The following CRYBG3 variants were observed in gnomAD, a reference collection of about 807,000 sequenced individuals.
CRYBG3 encodes very large A-kinase anchor protein.
Under a neutral mutation model 244.2 loss-of-function variants are expected in CRYBG3, and 127 were observed. The observed-to-expected ratio is 0.52, with a 90% CI of 0.45 to 0.60. The LOEUF is 0.60. Ranked by LOEUF, CRYBG3 falls within the 20% of genes least tolerant of loss-of-function variation. The probability of loss-of-function intolerance (pLI) is 0.00; values close to 1 mark genes in which losing one functional copy is unlikely to be tolerated. For synonymous variants in CRYBG3, 1,132 were observed against 1,195.8 expected (o/e 0.95, Z 1.10); for missense variants, 3,325 against 3,442.5 (o/e 0.97, Z 0.85).
chr3:97,893,099 A>G lies in CRYBG3; in HGVS notation c.7574+106A>G, dbSNP rs1022342341. On this transcript the variant is annotated intron_variant, in intron 11 of 21. Transcript: ENST00000389622. Reference sequence around the variant, plus strand: ...TGATTTGTTTTTAATCTAAAAATATACATTCCTTCTGTAATATGGAAAGTA... The same window carrying G: ...TGATTTGTTTTTAATCTAAAAATATGCATTCCTTCTGTAATATGGAAAGTA... 7 of 978,936 alleles carry G rather than the reference A, an allele frequency of 7.2e-6. No individual in the cohort carries two copies. In the South Asian group the frequency reaches 1.1e-4, roughly 15 times the overall value. The allele number at this position is 978,936 out of a possible 1,614,324, so 60.6% of individuals were successfully genotyped here. A position where few individuals can be genotyped will look rare whatever the true frequency, so the allele number is the denominator to read the frequency against.
intron 20 of CRYBG3, among the ~76,000 whole-genome samples, chr3:97,941,650 C>T (rs1347696156): frequency 6.6e-6 from 1 of 151,922 alleles, no homozygotes; most frequent in East Asian, 1.9e-4. Context: ...TAAAATCAGC[C>T]ATCTCTGTGA....
chr3:97,873,655 C>A lies in CRYBG3; in HGVS notation c.2461C>A (p.Gln821Lys). The A allele has an allele frequency of 6.5e-7, 1 of 1,535,140 alleles. No individual in the cohort carries two copies. Among genetic ancestry groups the A allele is most frequent in the South Asian group, 1.2e-5 (1 of 83,824 alleles). ...TGTATCAAAAGCTGAAATTGATGGT[C>A]AGAACAATGTTCTTGTGGAGTCACA... ...NIVSKAEIDG[Q>K]NNVLVESHSG... Residue 821 changes from glutamine (Q) to lysine (K), a missense_variant, in exon 4 of 22, where the codon CAG becomes AAG. Transcript: ENST00000389622.
At chr3:97,908,855 C>T (rs184060329) in intron 15 of CRYBG3, among the ~76,000 whole-genome samples, 191 of 152,298 alleles carry the variant, frequency 1.3e-3, no homozygotes, top group African/African-American at 4.5e-3. Context: ...ATGGTCGTTA[C>T]ATTTTGGCAT....
At chr3:97,897,928 T>C (rs1186586396) in intron 12 of CRYBG3, among the ~76,000 whole-genome samples, 1 of 152,160 alleles carries the variant, frequency 6.6e-6, no homozygotes, top group Non-Finnish European at 1.5e-5. Flanking sequence ...CTTTAAGAAA[T>C]GAAAGTTTTG....
chr3:97,913,886 A>G (rs142305859), intron 16 of CRYBG3, among the ~76,000 whole-genome samples: 1 of 152,208 alleles, frequency 6.6e-6, no homozygotes, highest in Non-Finnish European at 1.5e-5. Flanking sequence ...ATTAGCTGGT[A>G]GTGAGTAGAT....
intron 12 of CRYBG3, among the ~76,000 whole-genome samples, chr3:97,896,814 G>A (rs540250537): frequency 6.6e-6 from 1 of 152,190 alleles, no homozygotes; most frequent in Admixed American, 6.6e-5. Flanking sequence ...CAACAACAAA[G>A]AATTACACGG....
chr3:97,937,791 A>G (rs1309666566), intron 19 of CRYBG3, among the ~76,000 whole-genome samples: 1 of 152,060 alleles, frequency 6.6e-6, no homozygotes, highest in Non-Finnish European at 1.5e-5. Flanking sequence ...TTATTTAATG[A>G]AGGAATGAAT....
chr3:97,899,534 A>G (rs571055457), intron 14 of CRYBG3, among the ~76,000 whole-genome samples: 156 of 152,262 alleles, frequency 1.0e-3, no homozygotes, highest in African/African-American at 3.3e-3. Flanking sequence ...ATCACTGGAG[A>G]TAAGAATTGA....
At chr3:97,924,834 G>A (rs996004386) in intron 17 of CRYBG3, among the ~76,000 whole-genome samples, 2 of 152,054 alleles carry the variant, frequency 1.3e-5, no homozygotes, top group African/African-American at 2.4e-5. Context: ...GACCATGTTA[G>A]GTAACATATT....
intron 1 of CRYBG3, among the ~76,000 whole-genome samples, chr3:97,838,028 G>A (rs940027001): frequency 1.3e-5 from 2 of 152,090 alleles, no homozygotes; most frequent in Non-Finnish European, 2.9e-5. Flanking sequence ...AGTCTGTCCT[G>A]TGGCCATCCA....
chr3:97,915,712 C>A lies in CRYBG3; in HGVS notation c.8217C>A (p.Val2739=). 6.2e-7 allele frequency: 1 copy of A among 1,612,158 alleles called. No homozygotes were observed. Among genetic ancestry groups the A allele is most frequent in the South Asian group, 1.1e-5 (1 of 90,886 alleles). The part of the protein sequence containing the change: ...LTSCGCPASK[V]KSLKPIDYVF... ...CCTGCGGTTGCCCAGCATCTAAAGT[C>A]AAATCTCTCAAGCCCATTGACTATG... The change falls in exon 17 of 22, where the codon GTC becomes GTA. Residue 2739 remains valine, a synonymous_variant. Transcript: ENST00000389622.
chr3:97,941,660 AT>A lies in CRYBG3; in HGVS notation c.8664+356del, dbSNP rs540059718. The stretch of plus-strand genomic sequence containing the variant: ...CCAGATAAAATCAGCCATCTCTGTG[AT>A]TCTAAATATGTTGAAACCTTTCATT... On this transcript the variant is annotated intron_variant, in intron 20 of 21. Coordinates refer to ENST00000389622, the MANE Select transcript of CRYBG3 (RefSeq NM_153605.4). Among the ~76,000 whole-genome samples the A allele has an allele frequency of 1.2e-4, 19 of 152,068 alleles. 2 individuals are homozygous for A. The South Asian group carries it at 3.9e-3, about 32-fold the overall frequency.
intron 2 of CRYBG3, among the ~76,000 whole-genome samples, chr3:97,853,031 A>G (rs1261479695): frequency 6.6e-6 from 1 of 152,104 alleles, no homozygotes; most frequent in Non-Finnish European, 1.5e-5. Context: ...TTATTTTAAT[A>G]GTTTAGTAGC....
intron 12 of CRYBG3, 85 bp downstream of exon 12, chr3:97,896,170 GATT>G: frequency 3.1e-6 from 4 of 1,284,686 alleles, no homozygotes. Context: ...TAGAACATGA[GATT>G]ATAAAATATT....
chr3:97,867,038 C>T (rs1021623667), intron 3 of CRYBG3: 6 of 152,128 alleles, frequency 3.9e-5, no homozygotes, highest in African/African-American at 1.4e-4. Context: ...TTAGCCCAGG[C>T]GCGGTGACTC....
At chr3:97,892,015 G>A (rs557333609) in intron 10 of CRYBG3, among the ~76,000 whole-genome samples, 2 of 152,102 alleles carry the variant, frequency 1.3e-5, no homozygotes, top group East Asian at 3.9e-4. Context: ...TTGCTTTGAC[G>A]GGATCACTTC....
chr3:97,843,156 C>A, intron 1 of CRYBG3, 39 bp from the exon 2 acceptor site: 1 of 1,357,042 alleles, frequency 7.4e-7, no homozygotes, highest in Non-Finnish European at 9.9e-7. Flanking sequence ...TCGTAATTTT[C>A]TTTTAATTTC....
intron 1 of CRYBG3, among the ~76,000 whole-genome samples, chr3:97,833,443 T>C (rs2038682519): frequency 6.6e-6 from 1 of 152,172 alleles, no homozygotes; most frequent in Non-Finnish European, 1.5e-5. Context: ...ACCATCATTC[T>C]CAGCAAACTA....
chr3:97,869,555 G>C (rs2039276376), intron 3 of CRYBG3, among the ~76,000 whole-genome samples: 2 of 151,980 alleles, frequency 1.3e-5, no homozygotes, highest in South Asian at 4.2e-4. Context: ...CAATACATTG[G>C]GCTCTGTCTT....
Sources: allele counts gnomAD v4.1 joint callset (sites outside exome capture counted in the v4.1 genomes callset), GRCh38; gene constraint gnomAD v4.1.1; transcripts MANE v1.5; gene names NCBI Gene and HGNC (gene_info 2026-07-23, HGNC 2026-07-21).